ANKRD6: variants seen among roughly 807,000 people sequenced by gnomAD.
ANKRD6 encodes the protein ankyrin repeat domain 6.
In ANKRD6, 56 loss-of-function variants were observed where a neutral mutation model predicts 82.3. The ratio of observed to expected loss-of-function variants is 0.68; its 90% confidence interval spans 0.55 to 0.85. The LOEUF (loss-of-function observed/expected upper bound fraction) is 0.85. ANKRD6 is among the 40% of genes least tolerant of loss of function. The probability of loss-of-function intolerance (pLI) is 0.00; values close to 1 mark genes in which losing one functional copy is unlikely to be tolerated. For missense variants in ANKRD6, 852 were observed against 907.6 expected (o/e 0.94, Z 0.79); for synonymous variants, 347 against 352.1 (o/e 0.99, Z 0.16).
chr6:89,506,024 G>C (rs760580352), intron 1 of ANKRD6, among the ~76,000 whole-genome samples: 9 of 152,178 alleles, frequency 5.9e-5, no homozygotes, highest in Middle Eastern at 3.2e-3. Context: ...CATAGAAATA[G>C]AGTAGGAAGG....
intron 1 of ANKRD6, among the ~76,000 whole-genome samples, chr6:89,453,293 A>G (rs1372802576): frequency 6.6e-6 from 1 of 152,232 alleles, no homozygotes; most frequent in East Asian, 1.9e-4. Context: ...AAACATTAAA[A>G]GCCCTTTTAC....
intron 3 of ANKRD6, chr6:89,598,182 T>C (rs565623794): frequency 1.0e-6 from 1 of 985,292 alleles, no homozygotes; most frequent in Admixed American, 6.1e-5. Flanking sequence ...AATTTCAACC[T>C]GTGGAAACCA....
chr6:89,485,388 T>C (rs541316190), intron 1 of ANKRD6, among the ~76,000 whole-genome samples: 1 of 152,332 alleles, frequency 6.6e-6, no homozygotes, highest in South Asian at 2.1e-4. Context: ...ATCTCTACTG[T>C]AAGCACAGAA....
chr6:89,630,929 T>C lies in ANKRD6; in HGVS notation c.2109T>C (p.Ala703=). ...ATCAGAAAGCCCAGCAAGATAAGGCTACATTGAAGGAACACATTAAAAGTT... is the reference window on the plus strand; with the variant it reads ...ATCAGAAAGCCCAGCAAGATAAGGCCACATTGAAGGAACACATTAAAAGTT... ...QANQKAQQDK[A]TLKEHIKSLE... The change falls in exon 16 of 16, where the codon GCT becomes GCC. Residue 703 remains alanine (A), a synonymous_variant. Transcript: ENST00000339746. The C allele has an allele frequency of 1.2e-6, 2 of 1,609,108 alleles. No individual in the cohort carries two copies. Among genetic ancestry groups the C allele is most frequent in the Non-Finnish European group, 1.7e-6 (2 of 1,177,602 alleles).
intron 1 of ANKRD6, among the ~76,000 whole-genome samples, chr6:89,554,320 A>C (rs1355428758): frequency 6.6e-6 from 1 of 152,042 alleles, no homozygotes; most frequent in African/African-American, 2.4e-5. Context: ...ATATCACTCC[A>C]TTCTCTGCCT....
intron 1 of ANKRD6, among the ~76,000 whole-genome samples, chr6:89,555,791 T>C (rs895161570): frequency 1.3e-5 from 2 of 152,030 alleles, no homozygotes; most frequent in African/African-American, 4.8e-5. Flanking sequence ...TGTATATCTC[T>C]GGACTTTGTT....
At chr6:89,515,010 A>G (rs1475737995) in intron 1 of ANKRD6, among the ~76,000 whole-genome samples, 1 of 152,208 alleles carries the variant, frequency 6.6e-6, no homozygotes, top group East Asian at 1.9e-4. Context: ...TACCTTTTCA[A>G]ACTCTGGAGC....
intron 4 of ANKRD6, among the ~76,000 whole-genome samples, chr6:89,603,803 T>C (rs2128181480): frequency 6.6e-6 from 1 of 152,150 alleles, no homozygotes; most frequent in East Asian, 1.9e-4. Context: ...CTAGTCAACA[T>C]AACAAACCAC....
At chr6:89,504,531 T>C (rs1779625514) in intron 1 of ANKRD6, among the ~76,000 whole-genome samples, 1 of 151,644 alleles carries the variant, frequency 6.6e-6, no homozygotes, top group South Asian at 2.1e-4. Flanking sequence ...ACTTCTTGAG[T>C]AGCTGGGATA....
Position 89,616,667 on chromosome 6 carries a change from G to A in ANKRD6, c.714+10G>A. On this transcript the variant is annotated intron_variant, in intron 8 of 15. Transcript: ENST00000339746. ...GACCATTGTTAACAATGTAAGTTGA[G>A]TTGCAACATTGCTTTCTAAAGTGGT... is the stretch of plus-strand genomic sequence containing the variant. The A allele has an allele frequency of 6.2e-7, 1 of 1,613,564 alleles. No individual in the cohort carries two copies. The highest frequency in any genetic ancestry group is 8.5e-7 in the Non-Finnish European group (1 of 1,179,468).
chr6:89,561,465 T>C (rs1787410765), intron 1 of ANKRD6: 1 of 152,154 alleles, frequency 6.6e-6, no homozygotes, highest in Non-Finnish European at 1.5e-5. Context: ...TCCTCATAGG[T>C]AGTACTGTGT....
chr6:89,571,194 G>A (rs1182305754), intron 2 of ANKRD6, among the ~76,000 whole-genome samples: 1 of 152,144 alleles, frequency 6.6e-6, no homozygotes, highest in African/African-American at 2.4e-5. Flanking sequence ...TGGGACTACA[G>A]GTGCCCGCCA....
intron 1 of ANKRD6, among the ~76,000 whole-genome samples, chr6:89,500,671 G>C (rs766069103): frequency 9.2e-5 from 14 of 152,134 alleles, no homozygotes; most frequent in Non-Finnish European, 1.5e-4. Flanking sequence ...AATCTCCCAG[G>C]AGATTAAAGG....
At chr6:89,524,948 A>T (rs1451190955) in intron 1 of ANKRD6, among the ~76,000 whole-genome samples, 1 of 151,344 alleles carries the variant, frequency 6.6e-6, no homozygotes, top group African/African-American at 2.4e-5. Context: ...GTATCTGATT[A>T]TGGTTTTAAT....
Position 89,487,002 on chromosome 6 carries a change from C to A in ANKRD6, c.-144+53627C>A, listed in dbSNP as rs542088646. ...TGGGGGGTGGACACAAACATTCAGT[C>A]CATAGCAGCTACTGGTAATTCACTG... is the stretch of plus-strand genomic sequence containing the variant. On this transcript the variant is annotated intron_variant, in intron 1 of 15. Transcript: ENST00000339746. Among the ~76,000 whole-genome samples the A allele has an allele frequency of 7.2e-5, 11 of 152,256 alleles. No individual in the cohort carries two copies. The South Asian group carries it at 2.3e-3, about 32-fold the overall frequency.
At chr6:89,561,181 T>C (rs1787360206) in intron 1 of ANKRD6, 1 of 152,238 alleles carries the variant, frequency 6.6e-6, no homozygotes, top group Non-Finnish European at 1.5e-5. Context: ...GTTTCCTGAA[T>C]AATATTCAGA....
At chr6:89,529,985 G>A (rs1782940678) in intron 1 of ANKRD6, among the ~76,000 whole-genome samples, 1 of 152,202 alleles carries the variant, frequency 6.6e-6, no homozygotes, top group Admixed American at 6.5e-5. Flanking sequence ...TGGGCATGGT[G>A]GTTCACGTCT....
At chr6:89,534,465 G>T (rs529020505) in intron 1 of ANKRD6, among the ~76,000 whole-genome samples, 7 of 152,302 alleles carry the variant, frequency 4.6e-5, no homozygotes, top group African/African-American at 1.4e-4. Context: ...CCTCCTAAGT[G>T]TGGGAAGGAA....
chr6:89,544,558 C>CA (rs1241816600), intron 1 of ANKRD6, among the ~76,000 whole-genome samples: 2 of 151,536 alleles, frequency 1.3e-5, no homozygotes, highest in East Asian at 2.0e-4. Flanking sequence ...ACTAATAATA[C>CA]AAAAAATTAG....
Sources: allele counts gnomAD v4.1 joint callset (sites outside exome capture counted in the v4.1 genomes callset), GRCh38; gene constraint gnomAD v4.1.1; transcripts MANE v1.5; gene names NCBI Gene and HGNC (gene_info 2026-07-23, HGNC 2026-07-21).